The following MYO18B variants were observed in gnomAD, a reference collection of about 807,000 sequenced individuals.
MYO18B encodes unconventional myosin-XVIIIb.
A neutral mutation model predicts 273.0 loss-of-function variants in MYO18B; 204 were observed. The observed-to-expected ratio is 0.75, with a 90% CI of 0.67 to 0.84. The LOEUF is 0.84. MYO18B is among the 40% of genes least tolerant of loss of function. MYO18B has a pLI of 0.00. For missense variants in MYO18B, 3,212 were observed against 3,287.6 expected, an observed-to-expected ratio of 0.98 and a Z score of 0.56; for synonymous variants, 1,330 against 1,305.7, an observed-to-expected ratio of 1.02 and a Z score of -0.40.
At chr22:25,895,572 A>G in intron 28 of MYO18B, 1 of 273,224 alleles carries the variant, frequency 3.7e-6, no homozygotes, top group Non-Finnish European at 7.0e-6. Flanking sequence ...AACCTTGTGG[A>G]AGTCACTTTA....
intron 21 of MYO18B, among the ~76,000 whole-genome samples, chr22:25,865,863 TTTC>T (rs894923176): frequency 2.0e-5 from 3 of 152,242 alleles, no homozygotes; most frequent in African/African-American, 7.2e-5. Context: ...ATTGTTTTTT[TTTC>T]TTCTTATGTA....
chr22:25,857,914 A>G (rs1421264706), intron 21 of MYO18B, among the ~76,000 whole-genome samples: 1 of 152,228 alleles, frequency 6.6e-6, no homozygotes, highest in Non-Finnish European at 1.5e-5. Flanking sequence ...TGGTCTACCA[A>G]AGTGATGGGA....
chr22:25,923,058 A>G (rs1223738382), intron 34 of MYO18B, among the ~76,000 whole-genome samples: 2 of 152,094 alleles, frequency 1.3e-5, no homozygotes, highest in African/African-American at 4.8e-5. Context: ...CTTGCTTTTT[A>G]TGACCCTGAC....
intron 34 of MYO18B, among the ~76,000 whole-genome samples, chr22:25,921,815 A>AGTGTGTGTGT (rs71191088): frequency 9.2e-5 from 12 of 130,550 alleles, no homozygotes; most frequent in African/African-American, 2.8e-4. Flanking sequence ...AAATAGCAAT[A>AGTGTGTGTGT]GTGTGTGTGT....
chr22:25,939,607 A>G (rs1389948023), intron 34 of MYO18B, among the ~76,000 whole-genome samples: 2 of 152,210 alleles, frequency 1.3e-5, no homozygotes, highest in Middle Eastern at 3.2e-3. Flanking sequence ...GAGCTTGGGG[A>G]GCAGGATCTG....
intron 25 of MYO18B, among the ~76,000 whole-genome samples, chr22:25,881,101 C>A (rs1410129750): frequency 6.6e-6 from 1 of 152,228 alleles, no homozygotes; most frequent in Non-Finnish European, 1.5e-5. Flanking sequence ...TACTCTTCTT[C>A]CCATGTTGAT....
At chr22:26,047,445 T>C in the MYO18B span, among the ~76,000 whole-genome samples, 1 of 152,124 alleles carries the variant, frequency 6.6e-6, no homozygotes, top group Non-Finnish European at 1.5e-5. Flanking sequence ...ATTTTTATTG[T>C]ATGTATGTTT....
intron 25 of MYO18B, among the ~76,000 whole-genome samples, chr22:25,885,847 G>A (rs1313027641): frequency 6.6e-6 from 1 of 152,198 alleles, no homozygotes; most frequent in Non-Finnish European, 1.5e-5. Context: ...GGACCCCCAA[G>A]GCCAGTGGGT....
intron 39 of MYO18B, among the ~76,000 whole-genome samples, chr22:25,965,898 C>T (rs2092972443): frequency 6.6e-6 from 1 of 152,134 alleles, no homozygotes; most frequent in Non-Finnish European, 1.5e-5. Context: ...GGTGGTGTCC[C>T]CATACCCTGT....
At chr22:25,751,287 T>C (rs1373394626) in intron 1 of MYO18B, among the ~76,000 whole-genome samples, 1 of 152,240 alleles carries the variant, frequency 6.6e-6, no homozygotes, top group Non-Finnish European at 1.5e-5. Context: ...TACCTCCTCC[T>C]GTGTGACCTT....
At chr22:26,015,592 C>G (rs115429997) in intron 42 of MYO18B, among the ~76,000 whole-genome samples, 249 of 152,098 alleles carry the variant, frequency 1.6e-3, no homozygotes, top group African/African-American at 4.7e-3. Flanking sequence ...TAAGTGGGAG[C>G]TAAATTATGA....
chr22:25,812,865 C>T (rs1429566285), intron 12 of MYO18B, among the ~76,000 whole-genome samples: 2 of 152,158 alleles, frequency 1.3e-5, no homozygotes, highest in African/African-American at 4.8e-5. Context: ...CTCAGGGTCA[C>T]CCAATGAGGC....
chr22:26,058,973 A>T, the MYO18B span, among the ~76,000 whole-genome samples: 2 of 152,250 alleles, frequency 1.3e-5, no homozygotes, highest in African/African-American at 4.8e-5. Flanking sequence ...AATTTGTTGC[A>T]TATCAACACT....
intron 34 of MYO18B, among the ~76,000 whole-genome samples, chr22:25,943,195 T>TTAGA (rs2092664979): frequency 6.6e-6 from 1 of 152,152 alleles, no homozygotes; most frequent in African/African-American, 2.4e-5. Flanking sequence ...CCACCATTAG[T>TTAGA]TATCTGACAT....
At chr22:25,986,607 T>A (rs1451239061) in intron 39 of MYO18B, among the ~76,000 whole-genome samples, 1 of 152,258 alleles carries the variant, frequency 6.6e-6, no homozygotes, top group Non-Finnish European at 1.5e-5. Flanking sequence ...GTATTTATTA[T>A]GTTCAAGGTT....
Position 25,902,924 on chromosome 22 carries a change from T to G in MYO18B, c.4947+188T>G, listed in dbSNP as rs5761306. The G allele has an allele frequency of 0.31, 188,901 of 618,704 alleles. 31,248 individuals carry two copies. The highest frequency in any genetic ancestry group is 0.36 in the Non-Finnish European group (131,443 of 368,516). The allele number at this position is 618,704 out of a possible 1,614,324, so 38.3% of individuals were successfully genotyped here. On this transcript the variant is annotated intron_variant, in intron 30 of 43. Transcript: ENST00000335473. ...GTGGCTGGTAAATTGATAATCAGACTTTGAGCAAGATTGATGTCTTGATCT... is the reference window on the plus strand; with the variant it reads ...GTGGCTGGTAAATTGATAATCAGACGTTGAGCAAGATTGATGTCTTGATCT...
intron 39 of MYO18B, among the ~76,000 whole-genome samples, chr22:25,984,803 G>GGA (rs2093183922): frequency 7.0e-6 from 1 of 143,698 alleles, no homozygotes; most frequent in Non-Finnish European, 1.5e-5. Context: ...CCATCTCTAA[G>GGA]AAAAAAAAAA....
intron 12 of MYO18B, among the ~76,000 whole-genome samples, chr22:25,800,566 G>A (rs2088147714): frequency 6.6e-6 from 1 of 152,246 alleles, no homozygotes; most frequent in Non-Finnish European, 1.5e-5. Context: ...AGTATAAGGT[G>A]CATGAAGGAG....
chr22:25,815,419 G>C (rs536567383), intron 12 of MYO18B, among the ~76,000 whole-genome samples: 6 of 152,138 alleles, frequency 3.9e-5, no homozygotes, highest in Non-Finnish European at 8.8e-5. Flanking sequence ...TCCTCAGGTT[G>C]GGTCACCTGC....
Sources: gnomAD v4.1 joint callset for allele counts (sites outside exome capture counted in the v4.1 genomes callset) on GRCh38, gnomAD v4.1.1 for gene constraint, MANE v1.5 for transcripts, NCBI Gene and HGNC (gene_info 2026-07-23, HGNC 2026-07-21) for gene names.